Variants in SEPTIN7 observed in about 807,000 individuals in gnomAD.
SEPTIN7 encodes septin-7.
In SEPTIN7, 10 loss-of-function variants were observed where a neutral mutation model predicts 63.3. That is an observed-to-expected ratio of 0.16 (90% CI 0.10 to 0.27). The LOEUF (loss-of-function observed/expected upper bound fraction) is 0.27, where lower values mean the gene tolerates loss of function less well. Among genes scored for constraint, SEPTIN7 ranks in the 10% least tolerant of loss-of-function variants. The probability of loss-of-function intolerance (pLI) is 1.00; values close to 1 mark genes in which losing one functional copy is unlikely to be tolerated. For synonymous variants in SEPTIN7, 131 were observed against 165.3 expected (o/e 0.79, Z 1.59); for missense variants, 310 against 521.0 (o/e 0.59, Z 3.94).
chr7:35,835,468 A>G lies in SEPTIN7; in HGVS notation c.169+2568A>G, dbSNP rs375988087. On this transcript the variant is annotated intron_variant, in intron 3 of 13. Coordinates refer to ENST00000350320, the MANE Select transcript of SEPTIN7 (RefSeq NM_001788.6). ...ATTTTGGAGCTGAAGAAACTGAGGC[A>G]TAGCGAGATTAGGTTACTTGCCCAT... Among the ~76,000 whole-genome samples, 6 of 152,242 alleles carry G rather than the reference A, an allele frequency of 3.9e-5. No individual in the cohort carries two copies. In the East Asian group the frequency reaches 7.7e-4, roughly 19 times the overall value.
At chr7:35,844,374 A>G (rs889303339) in intron 3 of SEPTIN7, among the ~76,000 whole-genome samples, 5 of 152,188 alleles carry the variant, frequency 3.3e-5, no homozygotes, top group Non-Finnish European at 5.9e-5. Flanking sequence ...TATTTTGGCA[A>G]TTTTGTAAAA....
intron 3 of SEPTIN7, among the ~76,000 whole-genome samples, chr7:35,857,984 C>A (rs1785292112): frequency 1.3e-5 from 2 of 151,988 alleles, no homozygotes. Context: ...GCTCTGTCAC[C>A]CTGGCTGGAG....
intron 4 of SEPTIN7, 41 bp from the exon 5 acceptor site, chr7:35,872,625 G>A: frequency 7.0e-7 from 1 of 1,436,096 alleles, no homozygotes. Context: ...AATCACTGAT[G>A]TAATGTATGA....
chr7:35,884,017 A>G, intron 9 of SEPTIN7, 30 bp downstream of exon 9: 1 of 1,320,094 alleles, frequency 7.6e-7, no homozygotes, highest in Non-Finnish European at 1.1e-6. Context: ...ATGACTTTCT[A>G]AAATATCTCA....
chr7:35,857,662 A>AT (rs762241717), intron 3 of SEPTIN7, among the ~76,000 whole-genome samples: 3 of 152,324 alleles, frequency 2.0e-5, no homozygotes, highest in Middle Eastern at 3.4e-3. Flanking sequence ...ATTGCTTCAC[A>AT]TAGTCAATGT....
chr7:35,801,336 C>T lies in SEPTIN7; in HGVS notation c.61+66C>T, dbSNP rs982575242. 8.0e-5 allele frequency: 121 copies of T among 1,506,986 alleles called. No individual in the cohort carries two copies. The Admixed American group carries it at 2.6e-3, about 33-fold the overall frequency. 93.4% of individuals were successfully genotyped at this position (1,506,986 alleles called of 1,614,324 possible). A position where few individuals can be genotyped will look rare whatever the true frequency, so the allele number is the denominator to read the frequency against. ...CTCCGAATGCCGGGAAGCTCTGCGG[C>T]CGCTGGACCGAGCTAGGGAACGCCC... On this transcript the variant is annotated intron_variant, in intron 1 of 13. Transcript: ENST00000350320.
chr7:35,907,846 A>G (rs1404422755), downstream of SEPTIN7, among the ~76,000 whole-genome samples: 2 of 152,194 alleles, frequency 1.3e-5, no homozygotes. Flanking sequence ...TCAGCTATAA[A>G]ACAGACCCCA....
At chr7:35,824,247 C>A (rs1026963371) in intron 1 of SEPTIN7, among the ~76,000 whole-genome samples, 3 of 151,938 alleles carry the variant, frequency 2.0e-5, no homozygotes, top group Non-Finnish European at 4.4e-5. Context: ...ATTGACCAAT[C>A]CAGAGCATTT....
intron 4 of SEPTIN7, among the ~76,000 whole-genome samples, chr7:35,866,203 A>G (rs1785797478): frequency 6.6e-6 from 1 of 152,244 alleles, no homozygotes; most frequent in South Asian, 2.1e-4. Flanking sequence ...AAGATCATCT[A>G]AACTCTTTTG....
chr7:35,868,506 G>T (rs1191692864), intron 4 of SEPTIN7, among the ~76,000 whole-genome samples: 2 of 151,944 alleles, frequency 1.3e-5, no homozygotes, highest in African/African-American at 4.8e-5. Context: ...TTTGTAAGGT[G>T]CTGTAGAGGT....
intron 1 of SEPTIN7, among the ~76,000 whole-genome samples, chr7:35,811,364 TA>T (rs1384261130): frequency 6.6e-6 from 1 of 152,212 alleles, no homozygotes; most frequent in Non-Finnish European, 1.5e-5. Flanking sequence ...ATTTAGTATA[TA>T]AACTTGGTTT....
intron 10 of SEPTIN7, among the ~76,000 whole-genome samples, chr7:35,888,241 T>G (rs1787393391): frequency 6.6e-6 from 1 of 151,936 alleles, no homozygotes; most frequent in Non-Finnish European, 1.5e-5. Context: ...AATGGAGGAG[T>G]GGGTTGAATC....
In SEPTIN7 at chr7:35,904,493, AGT is replaced by A. The variant is rs1433357331; in HGVS notation, c.*201_*202del. 3 of 399,164 alleles carry A rather than the reference AGT, an allele frequency of 7.5e-6. No individual in the cohort carries two copies. The highest frequency in any genetic ancestry group is 4.1e-5 in the African/African-American group (2 of 48,384). The allele number at this position is 399,164 out of a possible 1,614,324, so 24.7% of individuals were successfully genotyped here. On this transcript the variant is annotated 3_prime_UTR_variant, in exon 14 of 14. Coordinates refer to ENST00000350320, the MANE Select transcript of SEPTIN7 (RefSeq NM_001788.6). The stretch of plus-strand genomic sequence containing the variant: ...TGTCTAGGGTGTTCTGTACTTAGAA[AGT>A]AAGAGCTCTAAGTACCTTTCCTACA...
At chr7:35,911,151 A>C (rs1299246555), downstream of SEPTIN7, among the ~76,000 whole-genome samples, 3 of 152,244 alleles carry the variant, frequency 2.0e-5, no homozygotes, top group East Asian at 5.8e-4. Context: ...CAGATGGCAG[A>C]AGAAAACCTG....
intron 4 of SEPTIN7, among the ~76,000 whole-genome samples, chr7:35,866,374 A>G (rs1458016525): frequency 6.6e-6 from 1 of 152,224 alleles, no homozygotes; most frequent in African/African-American, 2.4e-5. Flanking sequence ...GGAAGCTAAT[A>G]AACTCTCACA....
intron 11 of SEPTIN7, among the ~76,000 whole-genome samples, chr7:35,891,826 A>G (rs1453046738): frequency 6.6e-6 from 1 of 152,226 alleles, no homozygotes; most frequent in African/African-American, 2.4e-5. Context: ...TTTTGTAGTA[A>G]CACTTAGCTT....
chr7:35,830,259 TG>T (rs1783767208), intron 1 of SEPTIN7, among the ~76,000 whole-genome samples: 2 of 151,608 alleles, frequency 1.3e-5, no homozygotes, highest in East Asian at 1.9e-4. Context: ...ACTGTATGTT[TG>T]GGGGGTAGTT....
intron 1 of SEPTIN7, among the ~76,000 whole-genome samples, chr7:35,822,118 C>A (rs763785125): frequency 4.6e-5 from 7 of 151,152 alleles, no homozygotes; most frequent in Admixed American, 6.6e-5. Flanking sequence ...CTCGCTCTGT[C>A]GCCCAGGCTG....
At chr7:35,821,532 A>G (rs554452834) in intron 1 of SEPTIN7, among the ~76,000 whole-genome samples, 4 of 152,218 alleles carry the variant, frequency 2.6e-5, no homozygotes, top group Admixed American at 6.5e-5. Flanking sequence ...AATTGTTACA[A>G]TTTTTTACTA....
Sources: allele counts gnomAD v4.1 joint callset (sites outside exome capture counted in the v4.1 genomes callset), GRCh38; gene constraint gnomAD v4.1.1; transcripts MANE v1.5; gene names NCBI Gene and HGNC (gene_info 2026-07-23, HGNC 2026-07-21).